The following ALPL variants were observed in gnomAD, a reference collection of about 807,000 sequenced individuals.
ALPL encodes the protein alkaline phosphatase, biomineralization associated.
In ALPL, 42 loss-of-function variants were observed where a neutral mutation model predicts 51.3. That is an observed-to-expected ratio of 0.82 (90% CI 0.64 to 1.06). The LOEUF (loss-of-function observed/expected upper bound fraction) is 1.06. ALPL is among the 50% of genes least tolerant of loss of function. The probability of loss-of-function intolerance (pLI) is 0.00; values close to 1 mark genes in which losing one functional copy is unlikely to be tolerated. For synonymous variants in ALPL, 279 were observed against 296.4 expected, an observed-to-expected ratio of 0.94 and a Z score of 0.60; for missense variants, 589 against 709.4, an observed-to-expected ratio of 0.83 and a Z score of 1.93.
At chr1:21,524,960 G>GA (rs1411792250) in intron 1 of ALPL, among the ~76,000 whole-genome samples, 1 of 152,224 alleles carries the variant, frequency 6.6e-6, no homozygotes, top group African/African-American at 2.4e-5. Context: ...ACTCAGAAAC[G>GA]TAAGTGGGGG....
chr1:21,526,153 A>AT lies in ALPL; in HGVS notation c.-105+16644dup, dbSNP rs200074702. ...TGGAGACAGCAGATTTCATTTATTT[A>AT]TTTTTTTTGAGATGGAGTCTCTGTC... On this transcript the variant is annotated intron_variant, in intron 1 of 11. Coordinates refer to ENST00000374840, the MANE Select transcript of ALPL (RefSeq NM_000478.6). Among the ~76,000 whole-genome samples, 155 of 151,718 alleles carry AT rather than the reference A, an allele frequency of 1.0e-3. 1 individual carries two copies. The highest frequency in any genetic ancestry group is 3.3e-3 in the African/African-American group (138 of 41,392).
Position 21,575,900 on chromosome 1 carries a change from A to G in ALPL, c.1165A>G (p.Thr389Ala), listed in dbSNP as rs774870859. The change falls in exon 10 of 12, where the codon ACC (threonine) becomes GCC (alanine). Residue 389 changes from threonine to alanine, a missense_variant. Thr to Ala is a moderately conservative substitution (Grantham distance 58). Coordinates refer to ENST00000374840, the MANE Select transcript of ALPL (RefSeq NM_000478.6). ...HSHVFTFGGY[T>A]PRGNSIFGLA... ...CCACGTCTTCACATTTGGTGGATAC[A>G]CCCCCCGTGGCAACTCTATCTTTGG... The G allele has an allele frequency of 1.9e-6, 3 of 1,613,670 alleles. No individual in the cohort carries two copies. The highest frequency in any genetic ancestry group is 2.5e-6 in the Non-Finnish European group (3 of 1,179,958).
chr1:21,556,044 AT>A (rs1194344544), intron 2 of ALPL, among the ~76,000 whole-genome samples: 1 of 152,078 alleles, frequency 6.6e-6, no homozygotes, highest in Non-Finnish European at 1.5e-5. Flanking sequence ...AAGTGCTGGG[AT>A]TACAGGCATG....
rs1368700788 is a variant in ALPL at position 21,509,785 on chromosome 1, C to T, written c.-105+268C>T. ...CCGCGGAGCCGGCGAACTCAGGGGA[C>T]CGCGCTCGGGACCGCCCTGCAGTCC... On this transcript the variant is annotated intron_variant, in intron 1 of 11. Transcript: ENST00000374840. This position sits in a 1 kb window ranked among gnomAD's most constrained non-coding sequence, Gnocchi z 6.0. 1.3e-5 allele frequency among the ~76,000 whole-genome samples: 2 copies of T among 152,110 alleles called. No homozygotes were observed. The highest frequency in any genetic ancestry group is 2.4e-5 in the African/African-American group (1 of 41,432).
chr1:21,551,881 T>G (rs1287364205), intron 1 of ALPL, among the ~76,000 whole-genome samples: 2 of 151,322 alleles, frequency 1.3e-5, no homozygotes, highest in Non-Finnish European at 3.0e-5. Context: ...GCCCGCTACC[T>G]CTCCCGGCTA....
intron 1 of ALPL, among the ~76,000 whole-genome samples, chr1:21,540,250 G>C (rs1005587804): frequency 4.6e-5 from 7 of 152,238 alleles, no homozygotes; most frequent in African/African-American, 1.7e-4. Context: ...GGCACTGCAG[G>C]CCCCAGGCAT....
intron 2 of ALPL, among the ~76,000 whole-genome samples, chr1:21,556,534 T>C (rs1644416375): frequency 2.6e-5 from 4 of 152,128 alleles, no homozygotes; most frequent in African/African-American, 7.2e-5. Context: ...CCTAGCTACT[T>C]GGGAGGCTAA....
chr1:21,539,490 G>A (rs1644152814), intron 1 of ALPL, among the ~76,000 whole-genome samples: 1 of 152,122 alleles, frequency 6.6e-6, no homozygotes, highest in Non-Finnish European at 1.5e-5. Flanking sequence ...ATGTACGGAA[G>A]TCCAAGACAT....
At chr1:21,566,966 T>TA (rs925894127) in intron 6 of ALPL, among the ~76,000 whole-genome samples, 100 of 152,284 alleles carry the variant, frequency 6.6e-4, no homozygotes, top group African/African-American at 2.4e-3. Flanking sequence ...CAGTAGTCGA[T>TA]AGAGTCAGGG....
intron 2 of ALPL, among the ~76,000 whole-genome samples, chr1:21,555,106 G>T (rs1558544400): frequency 6.6e-6 from 1 of 150,938 alleles, no homozygotes; most frequent in Non-Finnish European, 1.5e-5. Context: ...TAAGATAGGG[G>T]TAGGTAAAGG....
At chr1:21,552,105 TTCCTC>T (rs1644334931) in intron 1 of ALPL, among the ~76,000 whole-genome samples, 1 of 22,838 alleles carries the variant, frequency 4.4e-5, no homozygotes, top group Non-Finnish European at 7.0e-5. Flanking sequence ...TCCCTTCCCT[TTCCTC>T]CCCTTCCCTT....
intron 1 of ALPL, among the ~76,000 whole-genome samples, chr1:21,516,121 C>A (rs1377311323): frequency 6.6e-6 from 1 of 152,124 alleles, no homozygotes; most frequent in African/African-American, 2.4e-5. Context: ...CTCAAGTGAT[C>A]CTCCCACCTC....
At chr1:21,550,582 G>A (rs1041844819) in intron 1 of ALPL, among the ~76,000 whole-genome samples, 1 of 152,078 alleles carries the variant, frequency 6.6e-6, no homozygotes, top group Non-Finnish European at 1.5e-5. Context: ...TAAAATGCAC[G>A]TAGAGAAAAA....
chr1:21,570,801 C>T (rs1476294818), intron 8 of ALPL, among the ~76,000 whole-genome samples: 1 of 152,186 alleles, frequency 6.6e-6, no homozygotes, highest in African/African-American at 2.4e-5. Context: ...GACGATTGCC[C>T]TCCTCCCCAG....
At chr1:21,547,463 C>T (rs892625117) in intron 1 of ALPL, among the ~76,000 whole-genome samples, 2 of 152,188 alleles carry the variant, frequency 1.3e-5, no homozygotes, top group Non-Finnish European at 2.9e-5. Flanking sequence ...GCCTCCTCCT[C>T]CTGGGGCTGA....
chr1:21,553,960 T>C lies in ALPL; in HGVS notation c.-104-18T>C. The C allele has an allele frequency of 1.2e-6, 1 of 861,120 alleles. No homozygotes were observed. Among genetic ancestry groups the C allele is most frequent in the Non-Finnish European group, 2.0e-6 (1 of 502,680 alleles). The allele number at this position is 861,120 out of a possible 1,614,324, so 53.3% of individuals were successfully genotyped here. On this transcript the variant is annotated intron_variant, in intron 1 of 11. Transcript: ENST00000374840. ...GCTGTGCCCCACATGCCTCTTTTTC[T>C]CTTTTTTTAATTTCTAGGATTGGAA...
intron 1 of ALPL, among the ~76,000 whole-genome samples, chr1:21,537,084 G>A (rs1046000768): frequency 6.6e-6 from 1 of 151,966 alleles, no homozygotes; most frequent in Non-Finnish European, 1.5e-5. Context: ...TTTTAGTAGA[G>A]ACAGGGTTTC....
Position 21,578,041 on chromosome 1 carries a change from A to C in ALPL, c.*393A>C. On this transcript the variant is annotated 3_prime_UTR_variant, in exon 12 of 12. Coordinates refer to ENST00000374840, the MANE Select transcript of ALPL (RefSeq NM_000478.6). This position sits in a 1 kb window ranked among gnomAD's most constrained non-coding sequence, Gnocchi z 4.2. ...CCCAGTCTCATCTCCTGACCCTCCCACTCCCATCTCCTTACCTCTGGAACC... is the reference window on the plus strand; with the variant it reads ...CCCAGTCTCATCTCCTGACCCTCCCCCTCCCATCTCCTTACCTCTGGAACC... 2 of 268,204 alleles carry C rather than the reference A, an allele frequency of 7.5e-6. No homozygotes were observed. The highest frequency in any genetic ancestry group is 1.4e-5 in the Non-Finnish European group (2 of 138,274). The allele number at this position is 268,204 out of a possible 1,614,324, so 16.6% of individuals were successfully genotyped here. A position where few individuals can be genotyped will look rare whatever the true frequency, so the allele number is the denominator to read the frequency against.
intron 1 of ALPL, among the ~76,000 whole-genome samples, chr1:21,533,146 A>G (rs1473186163): frequency 6.6e-6 from 1 of 152,224 alleles, no homozygotes; most frequent in Non-Finnish European, 1.5e-5. Context: ...ATATGGGTTA[A>G]GAGCTTGTAG....
Sources: gnomAD v4.1 joint callset for allele counts (sites outside exome capture counted in the v4.1 genomes callset) on GRCh38, gnomAD v4.1.1 for gene constraint, Gnocchi (gnomAD v3.1) non-coding constraint, MANE v1.5 for transcripts, NCBI Gene and HGNC (gene_info 2026-07-23, HGNC 2026-07-21) for gene names.